Variants in FBLN7 observed in about 807,000 individuals in gnomAD.
FBLN7 encodes the protein fibulin-7.
FBLN7 carries 31 observed loss-of-function variants against 44.0 expected under a neutral mutation model. The ratio of observed to expected loss-of-function variants is 0.70; its 90% CI spans 0.53 to 0.95. The LOEUF is 0.95. Ranked by LOEUF, FBLN7 falls within the 40% of genes least tolerant of loss-of-function variation. The pLI, the probability that FBLN7 is intolerant of heterozygous loss-of-function variation, is 0.00. For missense variants in FBLN7, 573 were observed against 618.5 expected, an observed-to-expected ratio of 0.93 and a Z score of 0.78; for synonymous variants, 262 against 253.4, an observed-to-expected ratio of 1.03 and a Z score of -0.32.
Position 112,138,574 on chromosome 2 carries a change from C to T in FBLN7, c.-82C>T. The T allele has an allele frequency of 1.9e-6, 3 of 1,605,862 alleles. No homozygotes were observed. The highest frequency in any genetic ancestry group is 2.6e-6 in the Non-Finnish European group (3 of 1,175,814). On this transcript the variant is annotated 5_prime_UTR_variant, in exon 1 of 8. The change creates a new upstream start codon in the 5' untranslated region. Transcript: ENST00000331203. ...CGCGGCGCCCCGCACCCTGCAGGGA[C>T]GGCTGCCGCATCGCTGGGACAAACT... is the stretch of plus-strand genomic sequence containing the variant.
At chr2:112,185,448 G>T in intron 7 of FBLN7, 109 bp downstream of exon 7, 2 of 1,409,322 alleles carry the variant, frequency 1.4e-6, no homozygotes, top group Non-Finnish European at 1.9e-6. Context: ...ATAGAAAGAT[G>T]AGAGGCAGGA....
chr2:112,165,529 C>T (rs563852088), intron 3 of FBLN7, among the ~76,000 whole-genome samples: 24 of 152,266 alleles, frequency 1.6e-4, no homozygotes, highest in African/African-American at 5.3e-4. Flanking sequence ...TCCTTCACAC[C>T]ACTCTCTGCT....
chr2:112,159,034 C>A (rs940827744), intron 1 of FBLN7, among the ~76,000 whole-genome samples: 2 of 152,098 alleles, frequency 1.3e-5, no homozygotes, highest in Non-Finnish European at 2.9e-5. Flanking sequence ...GTTGTTTGAA[C>A]AAGCAAACAA....
At chr2:112,244,505 G>C in the FBLN7 span, among the ~76,000 whole-genome samples, 2 of 152,174 alleles carry the variant, frequency 1.3e-5, no homozygotes, top group African/African-American at 4.8e-5. Context: ...TATCTACAAA[G>C]AAAGTTATAG....
chr2:112,150,117 G>A (rs1459690469), intron 1 of FBLN7, among the ~76,000 whole-genome samples: 3 of 152,218 alleles, frequency 2.0e-5, no homozygotes, highest in Admixed American at 1.3e-4. Context: ...TATCTGAGAC[G>A]TTTCCCCGTC....
rs1683348346 is a variant in FBLN7 at position 112,187,837 on chromosome 2, G to A, written c.*331G>A. On this transcript the variant is annotated 3_prime_UTR_variant, in exon 8 of 8. Transcript: ENST00000331203. This position sits in a 1 kb window ranked among gnomAD's most constrained non-coding sequence, Gnocchi z 5.1. ...GCCTTGTGAGTTTGAACTAGCTGGG[G>A]AGAGAAAAGGTGGCAATGTGTGTCA... The A allele has an allele frequency of 4.4e-6, 2 of 452,756 alleles. No homozygotes were observed. The highest frequency in any genetic ancestry group is 7.8e-6 in the Non-Finnish European group (2 of 257,302). 28.0% of individuals were successfully genotyped at this position (452,756 alleles called of 1,614,324 possible). A position where few individuals can be genotyped will look rare whatever the true frequency, so the allele number is the denominator to read the frequency against.
chr2:112,175,589 G>A, intron 3 of FBLN7, 125 bp from the exon 4 acceptor site: 1 of 1,244,768 alleles, frequency 8.0e-7, no homozygotes, highest in African/African-American at 1.5e-5. Context: ...GAGTGGGTGG[G>A]GTCAGGTAGA....
At chr2:112,151,408 C>T (rs1169049000) in intron 1 of FBLN7, 1 of 152,088 alleles carries the variant, frequency 6.6e-6, no homozygotes, top group African/African-American at 2.4e-5. Context: ...TCTCCTGTAC[C>T]ACGGCAGTCC....
chr2:112,218,400 C>T, the FBLN7 span, among the ~76,000 whole-genome samples: 1 of 152,020 alleles, frequency 6.6e-6, no homozygotes, highest in Non-Finnish European at 1.5e-5. Flanking sequence ...ATGGTGCATT[C>T]CTATTAAGGT....
At position 112,138,672 on chromosome 2, in the gene FBLN7, C is replaced by G; in HGVS notation, c.17C>G (p.Pro6Arg). 6.2e-7 allele frequency: 1 copy of G among 1,613,774 alleles called. No homozygotes were observed. The highest frequency in any genetic ancestry group is 8.5e-7 in the Non-Finnish European group (1 of 1,179,870). MVPSS[P>R]RALFLLLLIL... ...ACTGGCAAGATGGTGCCCAGCTCTC[C>G]GCGCGCGCTCTTCCTTCTGCTCCTG... The change falls in exon 1 of 8, where the codon CCG becomes CGG. Residue 6 changes from proline (P) to arginine (R), a missense_variant. Transcript: ENST00000331203.
intron 6 of FBLN7, among the ~76,000 whole-genome samples, chr2:112,183,491 G>C (rs1366493720): frequency 2.0e-5 from 3 of 152,232 alleles, no homozygotes; most frequent in African/African-American, 7.2e-5. Flanking sequence ...TGAGGTACAG[G>C]AAGTGAGGGG....
At chr2:112,150,609 G>A (rs949479048) in intron 1 of FBLN7, among the ~76,000 whole-genome samples, 2 of 152,140 alleles carry the variant, frequency 1.3e-5, no homozygotes, top group Non-Finnish European at 2.9e-5. Flanking sequence ...CTGAGGCAGC[G>A]TAGCACGTGG....
chr2:112,178,460 C>A (rs1682836918), intron 4 of FBLN7, among the ~76,000 whole-genome samples: 1 of 152,132 alleles, frequency 6.6e-6, no homozygotes, highest in Non-Finnish European at 1.5e-5. Flanking sequence ...AGAAACTATT[C>A]CAAAAAACTG....
chr2:112,138,459 C>T lies in FBLN7; in HGVS notation c.-197C>T. On this transcript the variant is annotated 5_prime_UTR_variant, in exon 1 of 8. Coordinates refer to ENST00000331203, the MANE Select transcript of FBLN7 (RefSeq NM_153214.3). ...GGGCAGCTGCGGGCGCACCTGGACCCTCGCAAGGCCCGGGCGGCGCCGATC... is the reference window on the plus strand; with the variant it reads ...GGGCAGCTGCGGGCGCACCTGGACCTTCGCAAGGCCCGGGCGGCGCCGATC... The T allele has an allele frequency of 6.8e-6, 3 of 441,920 alleles. No homozygotes were observed. The highest frequency in any genetic ancestry group is 1.0e-5 in the Non-Finnish European group (3 of 294,958). The allele number at this position is 441,920 out of a possible 1,614,324, so 27.4% of individuals were successfully genotyped here.
chr2:112,232,021 T>C, the FBLN7 span: 1 of 916,604 alleles, frequency 1.1e-6, no homozygotes, highest in Non-Finnish European at 1.6e-6. Context: ...GACTTTATTT[T>C]TCCTAAATAA....
At chr2:112,160,760 GCACGCACACGCAGACGCA>G (rs1681778308) in intron 2 of FBLN7, among the ~76,000 whole-genome samples, 11 of 76,630 alleles carry the variant, frequency 1.4e-4, no homozygotes, top group Middle Eastern at 9.1e-3. Flanking sequence ...ACGCACACAC[GCACGCACACGCAGACGCA>G]CACGCACGCA....
At chr2:112,150,475 C>G (rs1681105062) in intron 1 of FBLN7, among the ~76,000 whole-genome samples, 1 of 152,172 alleles carries the variant, frequency 6.6e-6, no homozygotes, top group African/African-American at 2.4e-5. Flanking sequence ...TCACCTCAGT[C>G]CTCCTGCAAT....
chr2:112,235,513 T>C, the FBLN7 span, among the ~76,000 whole-genome samples: 7 of 152,134 alleles, frequency 4.6e-5, no homozygotes, highest in Admixed American at 1.3e-4. Flanking sequence ...TCATAAAATA[T>C]GGAGGCAGGG....
the FBLN7 span, among the ~76,000 whole-genome samples, chr2:112,206,037 T>G: frequency 6.6e-6 from 1 of 152,168 alleles, no homozygotes; most frequent in Non-Finnish European, 1.5e-5. Flanking sequence ...AAACTATGAC[T>G]TCAACGTCTT....
Sources: gnomAD v4.1 joint callset for allele counts (sites outside exome capture counted in the v4.1 genomes callset) on GRCh38, gnomAD v4.1.1 for gene constraint, Gnocchi (gnomAD v3.1) non-coding constraint, MANE v1.5 for transcripts, NCBI Gene and HGNC (gene_info 2026-07-23, HGNC 2026-07-21) for gene names.